Variants in SDAD1 observed in about 807,000 individuals in gnomAD.
SDAD1 encodes the protein SDA1 domain containing 1.
A neutral mutation model predicts 100.3 loss-of-function variants in SDAD1; 79 were observed. The ratio of observed to expected loss-of-function variants is 0.79; its 90% CI spans 0.66 to 0.95. The LOEUF is 0.95. SDAD1 is among the 40% of genes least tolerant of loss of function. SDAD1 has a pLI of 0.00. For synonymous variants in SDAD1, 267 were observed against 271.4 expected (o/e 0.98, Z 0.16); for missense variants, 790 against 810.9 (o/e 0.97, Z 0.31).
Position 75,957,662 on chromosome 4 carries a change from G to C in SDAD1, c.1625C>G (p.Ala542Gly), listed in dbSNP as rs764403274. ...SMPMEERKAK[A>G]AAISTSRVLT... ...AACTCGGCTAGTGCTGATGGCTGCA[G>C]CTTTGGCCTTCCGCTCCTCCATGGG... Residue 542 changes from alanine (A) to glycine (G), a missense_variant, in exon 19 of 22, where the codon GCT becomes GGT. Coordinates refer to ENST00000356260, the MANE Select transcript of SDAD1 (RefSeq NM_018115.4). 6.2e-7 allele frequency: 1 copy of C among 1,614,210 alleles called. No homozygotes were observed. Among genetic ancestry groups the C allele is most frequent in the South Asian group, 1.1e-5 (1 of 91,082 alleles).
rs1301861499 is a variant in SDAD1 at position 75,957,659 on chromosome 4, G to A, written c.1628C>T (p.Ala543Val). The change falls in exon 19 of 22, where the codon GCA becomes GTA. Residue 543 changes from alanine to valine, a missense_variant. Coordinates refer to ENST00000356260, the MANE Select transcript of SDAD1 (RefSeq NM_018115.4). ...MPMEERKAKAAAISTSRVLTQ... is the reference protein window; with the variant it reads ...MPMEERKAKAVAISTSRVLTQ... ...TAAAACTCGGCTAGTGCTGATGGCT[G>A]CAGCTTTGGCCTTCCGCTCCTCCAT... 14 of 1,614,054 alleles carry A rather than the reference G, an allele frequency of 8.7e-6. No homozygotes were observed. The highest frequency in any genetic ancestry group is 1.1e-5 in the Non-Finnish European group (13 of 1,180,038).
intron 3 of SDAD1, 146 bp downstream of exon 3, chr4:75,981,226 C>A: frequency 2.8e-6 from 2 of 719,702 alleles, no homozygotes; most frequent in Non-Finnish European, 4.4e-6. Context: ...AAATGAGAAG[C>A]CATAGAAGGA....
chr4:75,969,595 T>C (rs1490540894), intron 10 of SDAD1, among the ~76,000 whole-genome samples, 196 bp from the exon 11 acceptor site: 1 of 152,236 alleles, frequency 6.6e-6, no homozygotes, highest in Non-Finnish European at 1.5e-5. Flanking sequence ...CTAGAGTGAC[T>C]GTTTGACAGG....
chr4:75,979,682 C>T (rs1486479689), intron 3 of SDAD1, among the ~76,000 whole-genome samples: 2 of 151,890 alleles, frequency 1.3e-5, no homozygotes, highest in Non-Finnish European at 2.9e-5. Flanking sequence ...CTCGAACTCC[C>T]GACCTCAGGT....
rs201803789 is a variant in SDAD1 at position 75,967,350 on chromosome 4, C to T, written c.988-16G>A. Reference sequence around the variant, plus strand: ...AGAGGAAAAGCTGTGGAGAGAAAACCGACTTTAATACTGATGCAGCTGACA... The same window carrying T: ...AGAGGAAAAGCTGTGGAGAGAAAACTGACTTTAATACTGATGCAGCTGACA... On this transcript the variant is annotated splice_polypyrimidine_tract_variant and intron_variant, in intron 11 of 21. Coordinates refer to ENST00000356260, the MANE Select transcript of SDAD1 (RefSeq NM_018115.4). 2.0e-4 allele frequency: 324 copies of T among 1,611,724 alleles called. No individual in the cohort carries two copies. Among genetic ancestry groups the T allele is most frequent in the Middle Eastern group, 4.9e-4 (3 of 6,078 alleles).
chr4:75,971,103 G>T (rs542208183), intron 9 of SDAD1, among the ~76,000 whole-genome samples: 135 of 152,270 alleles, frequency 8.9e-4, no homozygotes, highest in African/African-American at 3.1e-3. Context: ...GTCTAGCAAA[G>T]ATACCATAAT....
At chr4:75,976,342 A>G (rs771437538) in intron 4 of SDAD1, among the ~76,000 whole-genome samples, 18 of 152,228 alleles carry the variant, frequency 1.2e-4, no homozygotes, top group Non-Finnish European at 1.6e-4. Context: ...ATGAATGGAT[A>G]AACAAAATGT....
chr4:75,977,180 A>G (rs1578139541), intron 4 of SDAD1, among the ~76,000 whole-genome samples: 1 of 152,210 alleles, frequency 6.6e-6, no homozygotes, highest in East Asian at 1.9e-4. Flanking sequence ...GTTAATAACA[A>G]CAAAAAAGTT....
At chr4:75,976,135 G>A in intron 4 of SDAD1, 140 bp from the exon 5 acceptor site, 1 of 576,544 alleles carries the variant, frequency 1.7e-6, no homozygotes. Context: ...CCCAAACCAA[G>A]CAAACAAACA....
chr4:75,971,464 G>A lies in SDAD1; in HGVS notation c.712-6C>T. On this transcript the variant is annotated splice_polypyrimidine_tract_variant and splice_region_variant and intron_variant, in intron 8 of 21. Transcript: ENST00000356260. ...CTTGCTGTTGGTCCATCATCCTAAA[G>A]AAGAAATTACTTTGTAAAATTGTAA... 15 of 1,595,426 alleles carry A rather than the reference G, an allele frequency of 9.4e-6. No individual in the cohort carries two copies. Among genetic ancestry groups the A allele is most frequent in the Non-Finnish European group, 1.3e-5 (15 of 1,164,662 alleles).
chr4:75,974,462 T>A (rs1730044931), intron 6 of SDAD1, among the ~76,000 whole-genome samples: 1 of 147,050 alleles, frequency 6.8e-6, no homozygotes, highest in Admixed American at 6.8e-5. Context: ...ATTCCTGTAA[T>A]CCCAGCACTT....
At chr4:75,965,512 T>C (rs993766554) in intron 13 of SDAD1, among the ~76,000 whole-genome samples, 2 of 152,154 alleles carry the variant, frequency 1.3e-5, no homozygotes, top group African/African-American at 4.8e-5. Context: ...AAATCACTAA[T>C]AAAACCTTGC....
At chr4:75,982,526 T>C (rs951476660) in intron 1 of SDAD1, among the ~76,000 whole-genome samples, 6 of 152,042 alleles carry the variant, frequency 3.9e-5, no homozygotes, top group Admixed American at 3.9e-4. Context: ...CGTGCACCTG[T>C]AATTCCAGCT....
At chr4:75,970,287 C>T in intron 10 of SDAD1, 22 bp downstream of exon 10, 1 of 1,602,396 alleles carries the variant, frequency 6.2e-7, no homozygotes, top group African/African-American at 1.3e-5. Flanking sequence ...CAACAAGGAA[C>T]TCGGACGTCA....
chr4:75,988,749 C>A (rs539285956), intron 1 of SDAD1, among the ~76,000 whole-genome samples: 1 of 152,124 alleles, frequency 6.6e-6, no homozygotes, highest in Non-Finnish European at 1.5e-5. Context: ...CAGGAAATGG[C>A]ACTATCATCT....
At chr4:75,955,076 C>T (rs931609565) in intron 21 of SDAD1, among the ~76,000 whole-genome samples, 14 of 152,152 alleles carry the variant, frequency 9.2e-5, no homozygotes, top group African/African-American at 2.2e-4. Flanking sequence ...TCTTGCTAAA[C>T]GTAGGTTATG....
At chr4:75,989,238 G>A (rs1369585871) in intron 1 of SDAD1, among the ~76,000 whole-genome samples, 1 of 152,118 alleles carries the variant, frequency 6.6e-6, no homozygotes, top group Non-Finnish European at 1.5e-5. Flanking sequence ...AGTAGCTTCT[G>A]CACTTTCTAT....
At chr4:75,956,970 C>T (rs773366618) in intron 20 of SDAD1, among the ~76,000 whole-genome samples, 5 of 152,080 alleles carry the variant, frequency 3.3e-5, no homozygotes, top group Non-Finnish European at 5.9e-5. Context: ...ATTAGCTGGG[C>T]GTGGTAGCAG....
At chr4:75,989,330 T>C (rs1349465861) in intron 1 of SDAD1, among the ~76,000 whole-genome samples, 1 of 152,206 alleles carries the variant, frequency 6.6e-6, no homozygotes, top group Non-Finnish European at 1.5e-5. Context: ...GGGGTCTAAA[T>C]CAGAAGCCTC....
Sources: gnomAD v4.1 joint callset for allele counts (sites outside exome capture counted in the v4.1 genomes callset) on GRCh38, gnomAD v4.1.1 for gene constraint, MANE v1.5 for transcripts, NCBI Gene and HGNC (gene_info 2026-07-23, HGNC 2026-07-21) for gene names.